CAST: variants seen among roughly 807,000 people sequenced by gnomAD.
CAST encodes the protein MIR583 host.
Under a neutral mutation model 119.6 loss-of-function variants are expected in CAST, and 76 were observed. The ratio of observed to expected loss-of-function variants is 0.64; its 90% CI spans 0.53 to 0.77. CAST has a LOEUF of 0.77. Among genes scored for constraint, CAST ranks in the 30% least tolerant of loss-of-function variants. CAST has a pLI of 0.00. For missense variants in CAST, 953 were observed against 946.5 expected, an observed-to-expected ratio of 1.01 and a Z score of -0.09; for synonymous variants, 319 against 331.6, an observed-to-expected ratio of 0.96 and a Z score of 0.41.
the CAST span, among the ~76,000 whole-genome samples, chr5:95,962,683 G>A: frequency 6.6e-6 from 1 of 152,162 alleles, no homozygotes. Context: ...GCCATGCCCT[G>A]TTGTGATTCT....
At chr5:96,102,723 G>GTT in the CAST span, among the ~76,000 whole-genome samples, 33,289 of 142,060 alleles carry the variant, frequency 0.23, 4,302 homozygotes, top group Non-Finnish European at 0.3. Flanking sequence ...TTTTCTTGGG[G>GTT]TTTTTTTTTT....
chr5:96,418,567 T>C, the CAST span, among the ~76,000 whole-genome samples: 1 of 152,176 alleles, frequency 6.6e-6, no homozygotes, highest in Non-Finnish European at 1.5e-5. Context: ...TCTATTAATC[T>C]CATTTACGTG....
the CAST span, among the ~76,000 whole-genome samples, chr5:96,013,774 A>C: frequency 1.3e-5 from 2 of 152,214 alleles, no homozygotes; most frequent in Non-Finnish European, 2.9e-5. Context: ...ATAAAAAAGT[A>C]CAGTAAAAAT....
the CAST span, among the ~76,000 whole-genome samples, chr5:96,185,211 T>TA: frequency 6.6e-6 from 1 of 152,246 alleles, no homozygotes; most frequent in Non-Finnish European, 1.5e-5. Flanking sequence ...TTTTTTCTTG[T>TA]AAATTTGTTT....
At chr5:96,473,209 A>G in the CAST span, among the ~76,000 whole-genome samples, 2 of 152,188 alleles carry the variant, frequency 1.3e-5, no homozygotes, top group Non-Finnish European at 2.9e-5. Context: ...GAGGACACCC[A>G]CTCCAGTCAC....
chr5:96,536,061 A>G (rs1168061725), intron 1 of CAST, among the ~76,000 whole-genome samples: 1 of 141,830 alleles, frequency 7.1e-6, no homozygotes, highest in African/African-American at 2.6e-5. Context: ...TTTTTTAAAG[A>G]AAAAGGAGGA....
At chr5:96,437,127 C>T in the CAST span, among the ~76,000 whole-genome samples, 1 of 152,130 alleles carries the variant, frequency 6.6e-6, no homozygotes, top group East Asian at 1.9e-4. Flanking sequence ...GGTTGGGATG[C>T]TCTGACCTAT....
the CAST span, among the ~76,000 whole-genome samples, chr5:96,246,009 A>AAGGTAG: frequency 3.9e-5 from 6 of 151,970 alleles, no homozygotes; most frequent in Non-Finnish European, 7.4e-5. Flanking sequence ...GTAAATCCTG[A>AAGGTAG]AGGTAGAGGT....
chr5:96,338,029 A>G, the CAST span, among the ~76,000 whole-genome samples: 1 of 152,208 alleles, frequency 6.6e-6, no homozygotes, highest in South Asian at 2.1e-4. Flanking sequence ...AGGCACAGCT[A>G]GGATGAAAGC....
chr5:96,091,606 A>G, the CAST span, among the ~76,000 whole-genome samples: 1 of 151,518 alleles, frequency 6.6e-6, no homozygotes, highest in Admixed American at 6.6e-5. Flanking sequence ...CCCAGGCTCA[A>G]GTGATCCTCC....
chr5:96,172,768 G>C, the CAST span, among the ~76,000 whole-genome samples: 6 of 152,184 alleles, frequency 3.9e-5, no homozygotes, highest in African/African-American at 1.4e-4. Flanking sequence ...GTAGTTTATA[G>C]ATCCTCTAGG....
chr5:96,642,808 CA>C (rs1458087467), intron 1 of CAST, among the ~76,000 whole-genome samples: 1 of 152,154 alleles, frequency 6.6e-6, no homozygotes, highest in African/African-American at 2.4e-5. Context: ...CTAGGCCTTC[CA>C]AAGTGCTGGG....
the CAST span, among the ~76,000 whole-genome samples, chr5:96,059,490 C>T: frequency 2.0e-5 from 3 of 152,124 alleles, no homozygotes; most frequent in African/African-American, 7.2e-5. Flanking sequence ...GCTATTTACT[C>T]AGGTAACTAT....
chr5:95,967,353 C>T, the CAST span, among the ~76,000 whole-genome samples: 1 of 151,876 alleles, frequency 6.6e-6, no homozygotes, highest in Non-Finnish European at 1.5e-5. Flanking sequence ...CTGCAGTCCA[C>T]TATGATCCTT....
At chr5:96,671,970 G>A (rs1225933963) in intron 1 of CAST, among the ~76,000 whole-genome samples, 1 of 152,214 alleles carries the variant, frequency 6.6e-6, no homozygotes, top group East Asian at 1.9e-4. Context: ...ATCATTAACA[G>A]ACTGCTGAAT....
chr5:96,535,875 A>T (rs974872305), intron 1 of CAST, among the ~76,000 whole-genome samples: 10 of 151,738 alleles, frequency 6.6e-5, no homozygotes, highest in African/African-American at 2.4e-4. Flanking sequence ...ACCTGGCCAA[A>T]TAAACACTTT....
At chr5:96,114,193 A>T in the CAST span, among the ~76,000 whole-genome samples, 4 of 152,102 alleles carry the variant, frequency 2.6e-5, no homozygotes, top group East Asian at 1.9e-4. Context: ...CTGGAGACAA[A>T]CAAGAGCAGG....
chr5:96,412,751 TG>T, the CAST span, among the ~76,000 whole-genome samples: 90 of 120,928 alleles, frequency 7.4e-4, no homozygotes, highest in Non-Finnish European at 1.3e-3. Context: ...GCAGCTGTGA[TG>T]TTTTTTTTTT....
intron 1 of CAST, among the ~76,000 whole-genome samples, chr5:96,535,423 T>A (rs561226880): frequency 6.6e-6 from 1 of 152,128 alleles, no homozygotes; most frequent in Non-Finnish European, 1.5e-5. Context: ...TTTAGAAATA[T>A]GGAGCTAAGT....
Sources: gnomAD v4.1 joint callset for allele counts (sites outside exome capture counted in the v4.1 genomes callset) on GRCh38, gnomAD v4.1.1 for gene constraint, MANE v1.5 for transcripts, NCBI Gene and HGNC (gene_info 2026-07-23, HGNC 2026-07-21) for gene names.